NEDD4L: variants seen among roughly 807,000 people sequenced by gnomAD.
NEDD4L encodes the protein E3 ubiquitin-protein ligase NEDD4-like.
In NEDD4L, 54 loss-of-function variants were observed where a neutral mutation model predicts 148.9. The observed-to-expected ratio is 0.36, with a 90% confidence interval of 0.29 to 0.45. NEDD4L has a LOEUF of 0.45. NEDD4L is among the 20% of genes least tolerant of loss of function. The pLI, the probability that NEDD4L is intolerant of heterozygous loss-of-function variation, is 1.00. For missense variants in NEDD4L, 856 were observed against 1,233.8 expected, an observed-to-expected ratio of 0.69 and a Z score of 4.59; for synonymous variants, 433 against 440.7, an observed-to-expected ratio of 0.98 and a Z score of 0.22.
At chr18:58,054,963 G>A (rs1269377045) in intron 1 of NEDD4L, 2 of 152,200 alleles carry the variant, frequency 1.3e-5, no homozygotes, top group Non-Finnish European at 2.9e-5. Context: ...TAAGCCAGGA[G>A]TAAGAGCTTT....
intron 1 of NEDD4L, among the ~76,000 whole-genome samples, chr18:58,110,213 T>A (rs1355019900): frequency 6.6e-6 from 1 of 152,178 alleles, no homozygotes; most frequent in South Asian, 2.1e-4. Flanking sequence ...CATGGGCAGG[T>A]TGAGTACTGT....
intron 2 of NEDD4L, among the ~76,000 whole-genome samples, chr18:58,167,577 T>C (rs752077087): frequency 2.0e-5 from 3 of 152,200 alleles, no homozygotes; most frequent in Non-Finnish European, 4.4e-5. Context: ...GCAATGTCAT[T>C]TTAGCTTTTG....
intron 1 of NEDD4L, among the ~76,000 whole-genome samples, chr18:58,057,142 A>G (rs1403630781): frequency 2.6e-5 from 4 of 151,938 alleles, no homozygotes; most frequent in African/African-American, 9.7e-5. Flanking sequence ...CACCTTCAGA[A>G]ATGCCCCTGG....
At chr18:58,090,591 C>T (rs1329737133) in intron 1 of NEDD4L, among the ~76,000 whole-genome samples, 4 of 152,242 alleles carry the variant, frequency 2.6e-5, no homozygotes, top group Non-Finnish European at 5.9e-5. Flanking sequence ...GATTCTCCTG[C>T]CTCAGCCTCC....
chr18:58,238,017 G>A (rs1014901508), intron 2 of NEDD4L, among the ~76,000 whole-genome samples: 12 of 152,174 alleles, frequency 7.9e-5, no homozygotes, highest in African/African-American at 2.9e-4. Flanking sequence ...TGTGTTCTTC[G>A]GCAGCTTCAG....
intron 1 of NEDD4L, among the ~76,000 whole-genome samples, chr18:58,127,012 GA>G (rs1358991972): frequency 6.6e-6 from 1 of 152,198 alleles, no homozygotes; most frequent in Non-Finnish European, 1.5e-5. Flanking sequence ...TTCCTGTCGG[GA>G]TAGGTGAGAC....
chr18:58,149,568 CG>C (rs748999063), intron 1 of NEDD4L: 52 of 1,532,238 alleles, frequency 3.4e-5, no homozygotes, highest in Middle Eastern at 1.7e-4. Context: ...AGGTAACACT[CG>C]GTAAGACTTT....
intron 1 of NEDD4L, among the ~76,000 whole-genome samples, chr18:58,119,470 T>G (rs543268145): frequency 2.6e-5 from 4 of 152,358 alleles, no homozygotes; most frequent in Admixed American, 1.3e-4. Flanking sequence ...GACTCCTTCA[T>G]CAGCAGCTGC....
At chr18:58,097,442 G>A (rs751284760) in intron 1 of NEDD4L, among the ~76,000 whole-genome samples, 1 of 152,142 alleles carries the variant, frequency 6.6e-6, no homozygotes, top group Non-Finnish European at 1.5e-5. Flanking sequence ...CAGGCAAAGT[G>A]TTCTACTTTT....
chr18:58,101,726 G>A (rs1393332266), intron 1 of NEDD4L, among the ~76,000 whole-genome samples: 17 of 152,316 alleles, frequency 1.1e-4, no homozygotes, highest in Admixed American at 9.1e-4. Flanking sequence ...TTCAAAGGCA[G>A]ATGCATTTGT....
intron 5 of NEDD4L, among the ~76,000 whole-genome samples, chr18:58,303,324 T>C (rs532944925): frequency 6.6e-6 from 1 of 152,294 alleles, no homozygotes; most frequent in Non-Finnish European, 1.5e-5. Context: ...GACACGACAT[T>C]GAAGTGAATA....
intron 5 of NEDD4L, among the ~76,000 whole-genome samples, chr18:58,296,679 T>C (rs1199588740): frequency 1.3e-5 from 2 of 152,066 alleles, no homozygotes; most frequent in Non-Finnish European, 2.9e-5. Flanking sequence ...CCCAACACTT[T>C]GGGAGGCTGA....
intron 5 of NEDD4L, among the ~76,000 whole-genome samples, chr18:58,304,675 G>A (rs2056871652): frequency 6.6e-6 from 1 of 152,174 alleles, no homozygotes; most frequent in Non-Finnish European, 1.5e-5. Flanking sequence ...GATAGACATG[G>A]GATTTTAAAC....
At chr18:58,082,640 T>G (rs907427131) in intron 1 of NEDD4L, among the ~76,000 whole-genome samples, 1 of 151,504 alleles carries the variant, frequency 6.6e-6, no homozygotes. Flanking sequence ...GGCATGGTGG[T>G]GCATACATGT....
rs1403385779 is a variant in NEDD4L, at chr18:58,214,749, G to T, written c.123-30678G>T. ...TAATAGATCTAGGATGTTTTCTGAG[G>T]TGTGTCATGTTTTTAAAACTCTGTG... is the stretch of plus-strand genomic sequence containing the variant. On this transcript the variant is annotated intron_variant, in intron 2 of 30. Transcript: ENST00000400345. Among the ~76,000 whole-genome samples the T allele has an allele frequency of 4.0e-5, 6 of 149,914 alleles. No homozygotes were observed. In the East Asian group the frequency reaches 1.2e-3, roughly 30 times the overall value.
chr18:58,330,265 C>T (rs2059682201), intron 10 of NEDD4L, among the ~76,000 whole-genome samples: 1 of 152,172 alleles, frequency 6.6e-6, no homozygotes, highest in South Asian at 2.1e-4. Flanking sequence ...TTAATTACAG[C>T]GTATAGCTTC....
chr18:58,324,824 A>G (rs1028925032), intron 8 of NEDD4L, among the ~76,000 whole-genome samples, 172 bp from the exon 9 acceptor site: 9 of 152,088 alleles, frequency 5.9e-5, no homozygotes, highest in Non-Finnish European at 1.0e-4. Context: ...ATTGATATAT[A>G]TATATTTTTT....
intron 2 of NEDD4L, among the ~76,000 whole-genome samples, chr18:58,184,149 G>T (rs2039184235): frequency 6.6e-6 from 1 of 152,176 alleles, no homozygotes; most frequent in African/African-American, 2.4e-5. Context: ...AAGGAAGTGG[G>T]CTTGTGTTTT....
chr18:58,142,384 T>G (rs2033651108), intron 1 of NEDD4L, among the ~76,000 whole-genome samples: 1 of 152,226 alleles, frequency 6.6e-6, no homozygotes, highest in Middle Eastern at 3.4e-3. Flanking sequence ...CCTTCCACTT[T>G]TAAGTTCTGA....
Sources: gnomAD v4.1 joint callset for allele counts (sites outside exome capture counted in the v4.1 genomes callset) on GRCh38, gnomAD v4.1.1 for gene constraint, MANE v1.5 for transcripts, NCBI Gene and HGNC (gene_info 2026-07-23, HGNC 2026-07-21) for gene names.